ATP8B4: variants seen among roughly 807,000 people sequenced by gnomAD.
ATP8B4 encodes ATPase phospholipid transporting 8B4 (putative).
Under a neutral mutation model 145.6 loss-of-function variants are expected in ATP8B4, and 133 were observed. The ratio of observed to expected loss-of-function variants is 0.91; its 90% confidence interval spans 0.79 to 1.05. ATP8B4 has a LOEUF of 1.05. ATP8B4 is among the 50% of genes least tolerant of loss of function. The pLI, the probability that ATP8B4 is intolerant of heterozygous loss-of-function variation, is 0.00. For synonymous variants in ATP8B4, 507 were observed against 492.9 expected (o/e 1.03, Z -0.38); for missense variants, 1,458 against 1,425.2 (o/e 1.02, Z -0.37).
chr15:49,862,483 T>G, intron 26 of ATP8B4, 108 bp from the exon 27 acceptor site: 1 of 1,251,298 alleles, frequency 8.0e-7, no homozygotes. Flanking sequence ...AGATGGAGTC[T>G]TGCTCTGTCT....
chr15:50,025,018 G>T (rs1231194371), intron 6 of ATP8B4, among the ~76,000 whole-genome samples: 1 of 152,206 alleles, frequency 6.6e-6, no homozygotes, highest in Non-Finnish European at 1.5e-5. Context: ...GGGAAGAAAA[G>T]AGGAGTCTAA....
At chr15:50,040,737 T>C (rs1025837438) in intron 5 of ATP8B4, among the ~76,000 whole-genome samples, 1 of 152,160 alleles carries the variant, frequency 6.6e-6, no homozygotes, top group South Asian at 2.1e-4. Flanking sequence ...CAGGACTTGA[T>C]ATTGGAGTAG....
chr15:49,898,286 G>C, intron 21 of ATP8B4, 35 bp from the exon 22 acceptor site: 1 of 1,579,390 alleles, frequency 6.3e-7, no homozygotes, highest in Middle Eastern at 1.7e-4. Flanking sequence ...AACAAGAACA[G>C]GAAACAATAA....
intron 19 of ATP8B4, 107 bp from the exon 20 acceptor site, chr15:49,917,146 G>A (rs1036635769): frequency 1.9e-5 from 19 of 1,019,348 alleles, no homozygotes; most frequent in Non-Finnish European, 2.8e-5. Flanking sequence ...AGCCTACAGG[G>A]GGCTGATGTC....
intron 1 of ATP8B4, among the ~76,000 whole-genome samples, chr15:50,177,419 A>C (rs1303062342): frequency 6.6e-5 from 10 of 152,274 alleles, no homozygotes; most frequent in Non-Finnish European, 1.2e-4. Flanking sequence ...ACTAACAGGT[A>C]AGAAACAATC....
intron 6 of ATP8B4, among the ~76,000 whole-genome samples, chr15:50,028,774 G>A (rs552483517): frequency 1.5e-4 from 23 of 152,216 alleles, no homozygotes; most frequent in African/African-American, 5.5e-4. Context: ...CTGACACATA[G>A]TAGGCAGAGA....
intron 14 of ATP8B4, among the ~76,000 whole-genome samples, chr15:49,959,336 A>G (rs2043857943): frequency 6.6e-6 from 1 of 152,088 alleles, no homozygotes; most frequent in Non-Finnish European, 1.5e-5. Context: ...TATTCCAAAA[A>G]TATATCTATT....
intron 12 of ATP8B4, among the ~76,000 whole-genome samples, chr15:49,978,739 TACACACACACACACACACACACACAC>T (rs60436585): frequency 2.4e-5 from 3 of 122,786 alleles, no homozygotes; most frequent in Admixed American, 2.4e-4. Context: ...CTTTATCAAA[TACACACACACACACACACACACACAC>T]ACACACACAC....
At chr15:50,122,313 T>C (rs1567395903), upstream of ATP8B4, among the ~76,000 whole-genome samples, 1 of 152,190 alleles carries the variant, frequency 6.6e-6, no homozygotes, top group Non-Finnish European at 1.5e-5. Flanking sequence ...GAACAAAATA[T>C]GATTCCTGCT....
At chr15:49,898,015 A>C in intron 22 of ATP8B4, 53 bp downstream of exon 22, 1 of 1,585,282 alleles carries the variant, frequency 6.3e-7, no homozygotes, top group South Asian at 1.1e-5. Flanking sequence ...CCAAATGCTG[A>C]AACTGAGGAC....
At chr15:49,941,412 A>C (rs2042153950) in intron 14 of ATP8B4, among the ~76,000 whole-genome samples, 1 of 152,192 alleles carries the variant, frequency 6.6e-6, no homozygotes, top group African/African-American at 2.4e-5. Context: ...AGGCTGGTGC[A>C]AGGTAACACC....
chr15:50,078,956 A>G (rs530629699), intron 2 of ATP8B4, among the ~76,000 whole-genome samples: 1 of 152,338 alleles, frequency 6.6e-6, no homozygotes, highest in East Asian at 1.9e-4. Context: ...GTGTTTACAG[A>G]CAACGACCAT....
intron 6 of ATP8B4, among the ~76,000 whole-genome samples, chr15:50,025,526 A>G (rs1417034284): frequency 1.3e-5 from 2 of 152,082 alleles, no homozygotes; most frequent in African/African-American, 4.8e-5. Context: ...AACTCCTATT[A>G]CCACCTTTGC....
At chr15:50,002,253 C>T in intron 7 of ATP8B4, 30 bp from the exon 8 acceptor site, 1 of 1,558,796 alleles carries the variant, frequency 6.4e-7, no homozygotes, top group Non-Finnish European at 8.8e-7. Context: ...CAAAAGAATA[C>T]TTGAGAAGTT....
At chr15:50,050,210 G>A (rs973366985) in intron 3 of ATP8B4, among the ~76,000 whole-genome samples, 1 of 152,120 alleles carries the variant, frequency 6.6e-6, no homozygotes, top group African/African-American at 2.4e-5. Context: ...AAAACATGAT[G>A]CCTAGAACCA....
intron 12 of ATP8B4, among the ~76,000 whole-genome samples, chr15:49,973,934 T>C (rs1194933484): frequency 6.6e-6 from 1 of 152,200 alleles, no homozygotes. Context: ...CATTTCTTCT[T>C]GGAACTATCT....
chr15:50,127,935 TAGGTAG>T (rs2057318079), intron 1 of ATP8B4, among the ~76,000 whole-genome samples: 1 of 152,158 alleles, frequency 6.6e-6, no homozygotes, highest in South Asian at 2.1e-4. Context: ...GAGCCATCTT[TAGGTAG>T]AGTGTGCCCC....
chr15:49,958,752 T>C (rs1174793332), intron 14 of ATP8B4, among the ~76,000 whole-genome samples: 1 of 151,894 alleles, frequency 6.6e-6, no homozygotes, highest in Non-Finnish European at 1.5e-5. Flanking sequence ...TAAAAAAATA[T>C]AATTTTCCAA....
intron 8 of ATP8B4, among the ~76,000 whole-genome samples, chr15:49,998,367 G>A (rs371423895): frequency 6.6e-6 from 1 of 151,746 alleles, no homozygotes; most frequent in Admixed American, 6.6e-5. Flanking sequence ...CAGTGTAAAA[G>A]TGTTCCTATT....
Sources: gnomAD v4.1 joint callset for allele counts (sites outside exome capture counted in the v4.1 genomes callset) on GRCh38, gnomAD v4.1.1 for gene constraint, MANE v1.5 for transcripts, NCBI Gene and HGNC (gene_info 2026-07-23, HGNC 2026-07-21) for gene names.